AUTS2: variants seen among roughly 807,000 people sequenced by gnomAD.
AUTS2 encodes activator of transcription and developmental regulator AUTS2.
In AUTS2, 17 loss-of-function variants were observed where a neutral mutation model predicts 112.4. The observed-to-expected ratio is 0.15, with a 90% CI of 0.10 to 0.23. The LOEUF is 0.23. Among genes scored for constraint, AUTS2 ranks in the 10% least tolerant of loss-of-function variants. The pLI is 1.00. For missense variants in AUTS2, 1,510 were observed against 1,701.6 expected (o/e 0.89, Z 1.98); for synonymous variants, 751 against 702.7 (o/e 1.07, Z -1.09).
At chr7:70,109,871 G>A (rs1804977546) in intron 2 of AUTS2, among the ~76,000 whole-genome samples, 1 of 152,018 alleles carries the variant, frequency 6.6e-6, no homozygotes, top group South Asian at 2.1e-4. Flanking sequence ...ATGGTGAGGG[G>A]GCCTTAGAAT....
intron 4 of AUTS2, chr7:70,290,594 G>A: frequency 6.9e-7 from 1 of 1,439,128 alleles, no homozygotes; most frequent in Non-Finnish European, 9.1e-7. Context: ...TGACCCCAAT[G>A]AGAAATTAAA....
In AUTS2 at chr7:70,766,916, G is replaced by T. The variant is rs955014761; in HGVS notation, c.1689+582G>T. On this transcript the variant is annotated intron_variant, in intron 9 of 18. Coordinates refer to ENST00000342771, the MANE Select transcript of AUTS2 (RefSeq NM_015570.4). This position sits in a 1 kb window ranked among gnomAD's most constrained non-coding sequence, Gnocchi z 4.8. The stretch of plus-strand genomic sequence containing the variant: ...TGTCAGCCAGTGTTCAGGGATCCCC[G>T]CAGGGACAGAACGCTCTGCCTTGGG... 1.3e-5 allele frequency among the ~76,000 whole-genome samples: 2 copies of T among 152,332 alleles called. No individual in the cohort carries two copies. The highest frequency in any genetic ancestry group is 4.1e-4 in the South Asian group (2 of 4,826).
At chr7:69,820,118 T>C (rs977214235) in intron 1 of AUTS2, among the ~76,000 whole-genome samples, 1 of 152,164 alleles carries the variant, frequency 6.6e-6, no homozygotes, top group Non-Finnish European at 1.5e-5. Context: ...GTCATATACA[T>C]GCAGGACTGA....
At chr7:70,523,191 A>T (rs1304801211) in intron 5 of AUTS2, among the ~76,000 whole-genome samples, 1 of 152,240 alleles carries the variant, frequency 6.6e-6, no homozygotes, top group African/African-American at 2.4e-5. Context: ...CAATCCGGTG[A>T]CAGCAGTTCT....
intron 2 of AUTS2, among the ~76,000 whole-genome samples, chr7:70,067,495 T>C (rs1209301813): frequency 6.6e-6 from 1 of 152,220 alleles, no homozygotes; most frequent in African/African-American, 2.4e-5. Context: ...AAAATACTAA[T>C]AGCTTTTGAT....
chr7:69,710,546 T>G (rs985308632), intron 1 of AUTS2, among the ~76,000 whole-genome samples: 7 of 152,084 alleles, frequency 4.6e-5, no homozygotes, highest in Non-Finnish European at 8.8e-5. Flanking sequence ...CAACCACAGG[T>G]TTTTACAAGA....
intron 4 of AUTS2, among the ~76,000 whole-genome samples, chr7:70,228,877 T>C (rs948103073): frequency 7.9e-5 from 12 of 151,996 alleles, no homozygotes; most frequent in Non-Finnish European, 1.3e-4. Flanking sequence ...AATGTATGTA[T>C]GATTTCTTTC....
chr7:70,625,479 G>A (rs890317228), intron 5 of AUTS2, among the ~76,000 whole-genome samples: 2 of 152,174 alleles, frequency 1.3e-5, no homozygotes, highest in Non-Finnish European at 2.9e-5. Context: ...GTAGTCAGAT[G>A]GCACTTGATA....
At chr7:70,241,407 GC>G (rs1415878070) in intron 4 of AUTS2, among the ~76,000 whole-genome samples, 1 of 151,962 alleles carries the variant, frequency 6.6e-6, no homozygotes, top group Admixed American at 6.6e-5. Flanking sequence ...TTTAATTTTA[GC>G]CCCATATGCT....
At chr7:70,548,667 C>T (rs772032704) in intron 5 of AUTS2, among the ~76,000 whole-genome samples, 1 of 152,110 alleles carries the variant, frequency 6.6e-6, no homozygotes, top group Non-Finnish European at 1.5e-5. Context: ...TATTCTTTCC[C>T]CTTGAAATGC....
intron 5 of AUTS2, among the ~76,000 whole-genome samples, chr7:70,676,054 G>A (rs935505052): frequency 4.6e-5 from 7 of 152,164 alleles, no homozygotes; most frequent in Non-Finnish European, 8.8e-5. Flanking sequence ...TCTCACGAAC[G>A]AAATGGCCTA....
At chr7:70,362,968 GA>G (rs1370489250) in intron 4 of AUTS2, among the ~76,000 whole-genome samples, 1 of 152,124 alleles carries the variant, frequency 6.6e-6, no homozygotes, top group Non-Finnish European at 1.5e-5. Context: ...AATAACTCTG[GA>G]ATGACATCAA....
intron 1 of AUTS2, among the ~76,000 whole-genome samples, chr7:69,764,908 A>T (rs1378648025): frequency 6.6e-6 from 1 of 152,188 alleles, no homozygotes; most frequent in Non-Finnish European, 1.5e-5. Flanking sequence ...CTTAGGATGG[A>T]TGATGGGTTT....
At position 70,233,855 on chromosome 7, in the gene AUTS2, G is replaced by A. The variant is rs112179470; in HGVS notation, c.660+99284G>A. ...ATAAATCGGGCATGAAATAAGTGGCGTTACAGCCCTATACTGGCTTTACCG... is the reference window on the plus strand; with the variant it reads ...ATAAATCGGGCATGAAATAAGTGGCATTACAGCCCTATACTGGCTTTACCG... On this transcript the variant is annotated intron_variant, in intron 4 of 18. Transcript: ENST00000342771. Among the ~76,000 whole-genome samples the A allele has an allele frequency of 2.2e-3, 339 of 152,330 alleles. 1 individual carries two copies. Among genetic ancestry groups the A allele is most frequent in the South Asian group, 6.8e-3 (33 of 4,822 alleles).
intron 5 of AUTS2, among the ~76,000 whole-genome samples, chr7:70,641,763 A>G (rs1805844417): frequency 6.6e-6 from 1 of 152,150 alleles, no homozygotes; most frequent in Non-Finnish European, 1.5e-5. Flanking sequence ...TCAAGTAGAT[A>G]GTGTTCTTCT....
chr7:69,897,273 C>T (rs899778070), intron 1 of AUTS2, among the ~76,000 whole-genome samples: 8 of 152,152 alleles, frequency 5.3e-5, no homozygotes, highest in South Asian at 2.1e-4. Context: ...TAAAGGCCTG[C>T]GTTAGTTTGT....
At chr7:70,170,774 A>G (rs1466743874) in intron 4 of AUTS2, among the ~76,000 whole-genome samples, 1 of 151,674 alleles carries the variant, frequency 6.6e-6, no homozygotes, top group African/African-American at 2.4e-5. Flanking sequence ...CGCGTGGCTA[A>G]TTTTTGTATT....
chr7:70,406,638 T>G (rs999325061), intron 4 of AUTS2, among the ~76,000 whole-genome samples: 5 of 152,204 alleles, frequency 3.3e-5, no homozygotes, highest in Admixed American at 1.3e-4. Flanking sequence ...CTATGTGTGC[T>G]TCCTCTCAGG....
intron 6 of AUTS2, among the ~76,000 whole-genome samples, chr7:70,731,969 G>A (rs2129552822): frequency 6.6e-6 from 1 of 152,194 alleles, no homozygotes; most frequent in East Asian, 1.9e-4. Flanking sequence ...ATTTTTCACT[G>A]ATGTGATGCC....
Sources: gnomAD v4.1 joint callset for allele counts (sites outside exome capture counted in the v4.1 genomes callset) on GRCh38, gnomAD v4.1.1 for gene constraint, Gnocchi (gnomAD v3.1) non-coding constraint, MANE v1.5 for transcripts, NCBI Gene and HGNC (gene_info 2026-07-23, HGNC 2026-07-21) for gene names.